PRCC: variants seen among roughly 807,000 people sequenced by gnomAD.
PRCC encodes the protein proline-rich protein PRCC.
PRCC carries 10 observed loss-of-function variants against 44.0 expected under a neutral mutation model. That is an observed-to-expected ratio of 0.23 (90% CI 0.14 to 0.39). The LOEUF (loss-of-function observed/expected upper bound fraction) is 0.39. Among genes scored for constraint, PRCC ranks in the 10% least tolerant of loss-of-function variants. The pLI, the probability that PRCC is intolerant of heterozygous loss-of-function variation, is 1.00. For missense variants in PRCC, 573 were observed against 624.7 expected (o/e 0.92, Z 0.88); for synonymous variants, 278 against 259.5 (o/e 1.07, Z -0.69).
At chr1:156,779,091 GC>G (rs1172849472) in intron 1 of PRCC, among the ~76,000 whole-genome samples, 35 of 111,546 alleles carry the variant, frequency 3.1e-4, no homozygotes, top group Admixed American at 1.6e-3. Flanking sequence ...GAGCCACCGC[GC>G]CCGGCCGGGT....
intron 1 of PRCC, among the ~76,000 whole-genome samples, chr1:156,778,780 A>G (rs1290862029): frequency 6.7e-6 from 1 of 150,310 alleles, no homozygotes; most frequent in Non-Finnish European, 1.5e-5. Flanking sequence ...ACAGAGTTTC[A>G]CCATATTGCC....
At chr1:156,780,607 C>CTGG (rs1652019299) in intron 1 of PRCC, among the ~76,000 whole-genome samples, 1 of 151,774 alleles carries the variant, frequency 6.6e-6, no homozygotes, top group Non-Finnish European at 1.5e-5. Flanking sequence ...TGTACCACCA[C>CTGG]GCCTGACTAA....
chr1:156,799,602 A>C (rs1217303443), intron 6 of PRCC, among the ~76,000 whole-genome samples: 1 of 151,960 alleles, frequency 6.6e-6, no homozygotes, highest in Non-Finnish European at 1.5e-5. Context: ...ACTCCTTTGT[A>C]CTCTTTCCCT....
intron 1 of PRCC, among the ~76,000 whole-genome samples, chr1:156,775,554 A>G (rs1397252701): frequency 1.4e-5 from 2 of 145,436 alleles, no homozygotes; most frequent in African/African-American, 5.0e-5. Context: ...TCTGTCGCCC[A>G]GGCTGGAGTG....
At chr1:156,787,440 A>C (rs1652295647) in intron 3 of PRCC, among the ~76,000 whole-genome samples, 2 of 116,994 alleles carry the variant, frequency 1.7e-5, no homozygotes, top group East Asian at 2.7e-4. Flanking sequence ...ATTTGTACAT[A>C]TTTGTGATTG....
chr1:156,778,922 C>G (rs575076584), intron 1 of PRCC, among the ~76,000 whole-genome samples: 1 of 150,874 alleles, frequency 6.6e-6, no homozygotes, highest in Non-Finnish European at 1.5e-5. Context: ...ACCTTAGCCT[C>G]CCGAGTAGCT....
intron 2 of PRCC, among the ~76,000 whole-genome samples, chr1:156,783,307 GT>G (rs1403199499): frequency 6.6e-6 from 1 of 152,194 alleles, no homozygotes; most frequent in Admixed American, 6.5e-5. Context: ...TTTCCCTGCT[GT>G]TTGCTTCTGT....
In PRCC at chr1:156,786,775, T is replaced by C. The variant is rs370575039; in HGVS notation, c.684T>C (p.Ser228=). ...TGGCTTCTAAGACCAAGACTTCCTC[T>C]CTTGCCCCTGTTGTGGGCACCACAA... ...SRLASKTKTS[S]LAPVVGTTTT... The change falls in exon 3 of 7, where the codon TCT becomes TCC. Residue 228 remains serine (S), a synonymous_variant. Transcript: ENST00000271526. 3.7e-6 allele frequency: 6 copies of C among 1,614,076 alleles called. No homozygotes were observed. The highest frequency in any genetic ancestry group is 5.1e-6 in the Non-Finnish European group (6 of 1,180,040).
At chr1:156,783,671 G>T (rs562734012) in intron 2 of PRCC, among the ~76,000 whole-genome samples, 1 of 151,972 alleles carries the variant, frequency 6.6e-6, no homozygotes, top group Non-Finnish European at 1.5e-5. Context: ...GCTTGAACCC[G>T]TGAGGTGGAA....
chr1:156,778,338 A>C (rs754787859), intron 1 of PRCC, among the ~76,000 whole-genome samples: 2 of 152,144 alleles, frequency 1.3e-5, no homozygotes, highest in Non-Finnish European at 2.9e-5. Context: ...CTCCAGTTCT[A>C]TCCATGCTGC....
intron 5 of PRCC, among the ~76,000 whole-genome samples, chr1:156,795,348 C>G (rs1388969194): frequency 2.4e-5 from 3 of 125,454 alleles, no homozygotes; most frequent in Non-Finnish European, 3.2e-5. Context: ...CATGCACTGG[C>G]TCAGTCACAG....
chr1:156,782,206 C>T (rs957778775), intron 1 of PRCC, 76 bp from the exon 2 acceptor site: 2 of 1,361,266 alleles, frequency 1.5e-6, no homozygotes, highest in African/African-American at 2.9e-5. Flanking sequence ...TCCAACCCTT[C>T]ATATGTGCTA....
intron 1 of PRCC, among the ~76,000 whole-genome samples, chr1:156,779,147 T>A (rs1400588558): frequency 4.1e-5 from 4 of 97,612 alleles, no homozygotes; most frequent in African/African-American, 8.0e-5. Flanking sequence ...TTTTTTTTTT[T>A]TTTTTTTTTT....
Position 156,767,581 on chromosome 1 carries a change from G to C in PRCC, c.-191G>C. ...GCCCGGGACTAGGAGCTTAAGTGAA[G>C]AGGTACGCCTTGTTCGGTGGAAATC... On this transcript the variant is annotated 5_prime_UTR_variant, in exon 1 of 7. Coordinates refer to ENST00000271526, the MANE Select transcript of PRCC (RefSeq NM_005973.5). 1 of 612,050 alleles carries C rather than the reference G, an allele frequency of 1.6e-6. No homozygotes were observed. 37.9% of individuals were successfully genotyped at this position (612,050 alleles called of 1,614,324 possible).
rs769733198 is a variant in PRCC, at chr1:156,787,020, C to T, written c.929C>T (p.Pro310Leu). Residue 310 changes from proline (P) to leucine (L), a missense_variant, in exon 3 of 7, where the codon CCG becomes CTG. This residue lies in a region of PRCC where 141 missense variants were observed against 130.2 expected (regional missense o/e 1.08). Coordinates refer to ENST00000271526, the MANE Select transcript of PRCC (RefSeq NM_005973.5). ...EELPPGTEPE[P>L]AFQDDAANAP... ...CTGCCTCCAGGCACGGAACCAGAGC[C>T]GGCTTTCCAGGACGATGCAGCCAAT... 4.4e-5 allele frequency: 71 copies of T among 1,614,114 alleles called. No homozygotes were observed. The highest frequency in any genetic ancestry group is 3.6e-4 in the South Asian group (33 of 91,094).
chr1:156,774,736 G>A (rs553140184), intron 1 of PRCC, among the ~76,000 whole-genome samples: 24 of 151,982 alleles, frequency 1.6e-4, no homozygotes, highest in African/African-American at 5.1e-4. Context: ...GGTGGATCAC[G>A]AGGTCAATAG....
At chr1:156,791,256 C>A (rs1469763132) in intron 3 of PRCC, 9 of 889,256 alleles carry the variant, frequency 1.0e-5, no homozygotes, top group Non-Finnish European at 1.5e-5. Flanking sequence ...TCCACAGGAC[C>A]AAACTAGAAT....
At chr1:156,786,128 A>C (rs764829558) in intron 2 of PRCC, among the ~76,000 whole-genome samples, 1 of 152,142 alleles carries the variant, frequency 6.6e-6, no homozygotes, top group Non-Finnish European at 1.5e-5. Context: ...GACTTTTGCA[A>C]CAGTATGAAT....
intron 5 of PRCC, 41 bp downstream of exon 5, chr1:156,794,849 T>G (rs1652604473): frequency 6.2e-7 from 1 of 1,610,602 alleles, no homozygotes; most frequent in Non-Finnish European, 8.5e-7. Context: ...CTTGGGAAGC[T>G]GCAAAGCAAA....
Sources: gnomAD v4.1 joint callset for allele counts (sites outside exome capture counted in the v4.1 genomes callset) on GRCh38, gnomAD v4.1.1 for gene constraint, gnomAD v4.1.1 regional missense constraint, MANE v1.5 for transcripts, NCBI Gene and HGNC (gene_info 2026-07-23, HGNC 2026-07-21) for gene names.